Variants in CDH12 observed in about 807,000 individuals in gnomAD.
CDH12 encodes cadherin 12, also known as cadherin-12.
CDH12 carries 41 observed loss-of-function variants against 74.1 expected under a neutral mutation model. The observed-to-expected ratio is 0.55, with a 90% CI of 0.43 to 0.72. CDH12 has a LOEUF of 0.72. CDH12 is among the 30% of genes least tolerant of loss of function. The pLI, the probability that CDH12 is intolerant of heterozygous loss-of-function variation, is 0.00. For synonymous variants in CDH12, 399 were observed against 355.0 expected, an observed-to-expected ratio of 1.12 and a Z score of -1.39; for missense variants, 945 against 977.2, an observed-to-expected ratio of 0.97 and a Z score of 0.44.
intron 1 of CDH12, among the ~76,000 whole-genome samples, chr5:22,644,414 A>G (rs530970710): frequency 2.6e-4 from 40 of 152,260 alleles, no homozygotes; most frequent in Middle Eastern, 6.8e-3. Flanking sequence ...CAGCTACAAC[A>G]TTCTCTTAAG....
chr5:21,942,346 A>ATG (rs1345496217), intron 6 of CDH12, among the ~76,000 whole-genome samples: 1 of 89,098 alleles, frequency 1.1e-5, no homozygotes, highest in Non-Finnish European at 2.3e-5. Flanking sequence ...ATATATATAT[A>ATG]TACACACACA....
At chr5:22,026,997 C>T (rs1738407043) in intron 5 of CDH12, among the ~76,000 whole-genome samples, 2 of 152,076 alleles carry the variant, frequency 1.3e-5, no homozygotes, top group Non-Finnish European at 2.9e-5. Flanking sequence ...CCATCAATAC[C>T]TAATTTATTG....
chr5:21,866,054 G>A (rs1319990648), intron 6 of CDH12, among the ~76,000 whole-genome samples: 1 of 152,168 alleles, frequency 6.6e-6, no homozygotes, highest in Non-Finnish European at 1.5e-5. Context: ...TCTTTCACTT[G>A]GTTCTCACTC....
intron 10 of CDH12, 23 bp downstream of exon 10, chr5:21,802,144 A>G (rs1196706955): frequency 6.3e-7 from 1 of 1,588,188 alleles, no homozygotes; most frequent in Non-Finnish European, 8.6e-7. Context: ...GAAACATAGA[A>G]AAAAAATGTT....
intron 3 of CDH12, among the ~76,000 whole-genome samples, chr5:22,332,733 C>T (rs1413980755): frequency 6.6e-6 from 1 of 152,116 alleles, no homozygotes; most frequent in African/African-American, 2.4e-5. Context: ...CATCAATGAT[C>T]ATTAAAGAAA....
At chr5:22,403,219 C>T (rs1742805511) in intron 3 of CDH12, among the ~76,000 whole-genome samples, 2 of 151,982 alleles carry the variant, frequency 1.3e-5, no homozygotes, top group Admixed American at 6.6e-5. Context: ...TTTAAGATAC[C>T]CAGTGTGTGA....
At position 22,362,984 on chromosome 5, in the gene CDH12, T is replaced by C. The variant is rs559147299; in HGVS notation, c.-333+42273A>G. Among the ~76,000 whole-genome samples, 758 of 149,190 alleles carry C rather than the reference T, an allele frequency of 5.1e-3. 7 individuals are homozygous for C. Among genetic ancestry groups the C allele is most frequent in the Non-Finnish European group, 8.0e-3 (540 of 67,188 alleles). On this transcript the variant is annotated intron_variant, in intron 3 of 14. Transcript: ENST00000382254. ...ATTAGGAGATACACCTAATGCTAAATGACGAGTTAATGGGTGCAGCACACC... is the reference window on the plus strand; with the variant it reads ...ATTAGGAGATACACCTAATGCTAAACGACGAGTTAATGGGTGCAGCACACC...
intron 1 of CDH12, among the ~76,000 whole-genome samples, chr5:22,567,569 A>C (rs1739347411): frequency 6.6e-6 from 1 of 152,234 alleles, no homozygotes; most frequent in South Asian, 2.1e-4. Flanking sequence ...AGTATTTGAC[A>C]AAATGGTGCT....
chr5:22,726,692 A>G (rs963356245), intron 1 of CDH12, among the ~76,000 whole-genome samples: 1 of 151,808 alleles, frequency 6.6e-6, no homozygotes, highest in Non-Finnish European at 1.5e-5. Context: ...TTTACAACAG[A>G]ACATATATCA....
chr5:22,584,081 AATTT>A (rs3047309), intron 1 of CDH12, among the ~76,000 whole-genome samples: 51,871 of 147,360 alleles, frequency 0.35, 9,252 homozygotes, highest in South Asian at 0.47. Flanking sequence ...TTGTTTGCGG[AATTT>A]ATTTATTTAT....
chr5:22,630,389 C>T (rs1045887275), intron 1 of CDH12, among the ~76,000 whole-genome samples: 6 of 152,004 alleles, frequency 3.9e-5, no homozygotes, highest in African/African-American at 1.2e-4. Flanking sequence ...TATCCAACTT[C>T]GAACTAAGCT....
At chr5:21,888,622 T>C (rs1367451964) in intron 6 of CDH12, among the ~76,000 whole-genome samples, 1 of 152,060 alleles carries the variant, frequency 6.6e-6, no homozygotes, top group Non-Finnish European at 1.5e-5. Flanking sequence ...CATATCTTCA[T>C]AGAAATTTAA....
intron 6 of CDH12, among the ~76,000 whole-genome samples, chr5:21,885,880 A>G (rs1360973822): frequency 6.6e-6 from 1 of 152,040 alleles, no homozygotes; most frequent in Non-Finnish European, 1.5e-5. Context: ...TTAGATGGGT[A>G]CCTCTGTTCT....
rs1294215485 is a variant in CDH12, at chr5:22,096,144, C to T, written c.-186-17282G>A. On this transcript the variant is annotated intron_variant, in intron 4 of 14. Transcript: ENST00000382254. ...AGCCTGTGCTCTCAAGAACTTAAAA[C>T]CTCTTCAACTCACACCTGACCTAAA... Among the ~76,000 whole-genome samples, 4 of 152,048 alleles carry T rather than the reference C, an allele frequency of 2.6e-5. No homozygotes were observed. In the South Asian group the frequency reaches 6.2e-4, roughly 24 times the overall value.
chr5:22,459,416 C>T (rs1745412712), intron 2 of CDH12, among the ~76,000 whole-genome samples: 1 of 151,852 alleles, frequency 6.6e-6, no homozygotes, highest in Admixed American at 6.6e-5. Context: ...TTATTTTAAT[C>T]AAATAATAAA....
At chr5:22,103,061 G>A (rs1318884430) in intron 4 of CDH12, among the ~76,000 whole-genome samples, 1 of 152,068 alleles carries the variant, frequency 6.6e-6, no homozygotes, top group East Asian at 1.9e-4. Context: ...GCTGATTAAT[G>A]AACACAGCAT....
At chr5:22,018,013 C>T (rs1737711507) in intron 5 of CDH12, among the ~76,000 whole-genome samples, 1 of 152,082 alleles carries the variant, frequency 6.6e-6, no homozygotes, top group African/African-American at 2.4e-5. Context: ...CCCACCTTGG[C>T]CTCTCAAAGT....
At chr5:22,743,832 A>G (rs1745157318) in intron 1 of CDH12, among the ~76,000 whole-genome samples, 1 of 152,062 alleles carries the variant, frequency 6.6e-6, no homozygotes, top group African/African-American at 2.4e-5. Flanking sequence ...TTTAGCATTA[A>G]CTACAGTTAA....
At chr5:21,839,661 ATGTT>A (rs2149982643) in intron 8 of CDH12, among the ~76,000 whole-genome samples, 1 of 152,316 alleles carries the variant, frequency 6.6e-6, no homozygotes, top group African/African-American at 2.4e-5. Flanking sequence ...AATAAATAAA[ATGTT>A]CATTTAGCTA....
Sources: allele counts gnomAD v4.1 joint callset (sites outside exome capture counted in the v4.1 genomes callset), GRCh38; gene constraint gnomAD v4.1.1; transcripts MANE v1.5; gene names NCBI Gene and HGNC (gene_info 2026-07-23, HGNC 2026-07-21).